Variants in LAMA3 observed in about 807,000 individuals in gnomAD.
LAMA3 encodes the protein laminin subunit alpha 3, also known as laminin subunit alpha-3.
A neutral mutation model predicts 402.0 loss-of-function variants in LAMA3; 281 were observed. That is an observed-to-expected ratio of 0.70 (90% confidence interval 0.63 to 0.77). The LOEUF (loss-of-function observed/expected upper bound fraction) is 0.77. Among genes scored for constraint, LAMA3 ranks in the 30% least tolerant of loss-of-function variants. The probability of loss-of-function intolerance (pLI) is 0.00; values close to 1 mark genes in which losing one functional copy is unlikely to be tolerated. For synonymous variants in LAMA3, 1,431 were observed against 1,558.4 expected, an observed-to-expected ratio of 0.92 and a Z score of 1.93; for missense variants, 3,840 against 4,215.5, an observed-to-expected ratio of 0.91 and a Z score of 2.47.
chr18:23,882,106 C>A, intron 40 of LAMA3, 61 bp downstream of exon 40: 1 of 1,084,002 alleles, frequency 9.2e-7, no homozygotes, highest in Non-Finnish European at 1.4e-6. Flanking sequence ...CTGCCTAGGA[C>A]TAGGGGTGGG....
chr18:23,871,370 A>C, intron 37 of LAMA3, 61 bp from the exon 38 acceptor site: 1 of 1,395,858 alleles, frequency 7.2e-7, no homozygotes, highest in Non-Finnish European at 1.0e-6. Context: ...GTCTGCCTCT[A>C]AGGAACCCCT....
At chr18:23,923,256 T>A (rs946329556) in intron 62 of LAMA3, among the ~76,000 whole-genome samples, 1 of 151,962 alleles carries the variant, frequency 6.6e-6, no homozygotes, top group South Asian at 2.1e-4. Context: ...ATGACCAAAT[T>A]TGGGTTTTCA....
chr18:23,930,950 G>C (rs1173458388), intron 64 of LAMA3, 112 bp from the exon 65 acceptor site: 1 of 1,077,998 alleles, frequency 9.3e-7, no homozygotes, highest in Non-Finnish European at 1.4e-6. Flanking sequence ...AAGCATTTGG[G>C]TCAAAACATC....
chr18:23,696,160 T>C (rs908642452), intron 1 of LAMA3, among the ~76,000 whole-genome samples: 2 of 152,260 alleles, frequency 1.3e-5, no homozygotes, highest in Admixed American at 1.3e-4. Flanking sequence ...CTATGCAAGA[T>C]AGTTTGCACA....
chr18:23,814,342 C>A, intron 14 of LAMA3, 61 bp from the exon 15 acceptor site: 1 of 1,245,402 alleles, frequency 8.0e-7, no homozygotes, highest in Non-Finnish European at 1.2e-6. Flanking sequence ...TGCTCACGCA[C>A]AGGTTTGAAA....
chr18:23,815,155 C>A, intron 15 of LAMA3, 33 bp from the exon 16 acceptor site: 1 of 1,601,576 alleles, frequency 6.2e-7, no homozygotes. Context: ...TTTGTGTCTC[C>A]CTTAGTTCAA....
Position 23,934,116 on chromosome 18 carries a change from C to T in LAMA3, c.8862+181C>T, listed in dbSNP as rs569346317. 2.2e-4 allele frequency among the ~76,000 whole-genome samples: 33 copies of T among 152,290 alleles called. No individual in the cohort carries two copies. In the South Asian group the frequency reaches 4.6e-3, roughly 21 times the overall value. On this transcript the variant is annotated intron_variant, in intron 67 of 74. Transcript: ENST00000313654. ...ATGGTTTTCTTTTTAGCTTGTATTT[C>T]GCATCTTGATGAAAAGTTGGCAAGT...
chr18:23,813,625 C>A (rs533267642), intron 14 of LAMA3, among the ~76,000 whole-genome samples: 1 of 148,058 alleles, frequency 6.8e-6, no homozygotes, highest in Non-Finnish European at 1.5e-5. Flanking sequence ...CTCACTGCAA[C>A]CTCCGCCTCC....
In LAMA3 at chr18:23,943,952, A is replaced by T; in HGVS notation, c.9191A>T (p.Asn3064Ile). The change falls in exon 69 of 75, where the codon AAT becomes ATT. Residue 3064 changes from asparagine (N) to isoleucine (I), a missense_variant. Physicochemically the swap from Asn to Ile is moderately radical, Grantham distance 149 (BLOSUM62 -3). Transcript: ENST00000313654. ...KLRIKSKEKC[N>I]DGKWHTVVFG... ...AGGATCAAAAGCAAGGAGAAATGCA[A>T]TGATGGGAAATGGCACACGGTAAGA... The T allele has an allele frequency of 6.2e-7, 1 of 1,614,084 alleles. No individual in the cohort carries two copies. The highest frequency in any genetic ancestry group is 8.5e-7 in the Non-Finnish European group (1 of 1,179,952).
chr18:23,837,570 GATATATATATATAT>G (rs56179962), intron 25 of LAMA3, among the ~76,000 whole-genome samples: 3 of 83,284 alleles, frequency 3.6e-5, no homozygotes, highest in African/African-American at 1.3e-4. Flanking sequence ...CAGTTAATCA[GATATATATATATAT>G]ATATATATAT....
chr18:23,746,142 G>A lies in LAMA3; in HGVS notation c.448-1801G>A, dbSNP rs147032860. 6.6e-5 allele frequency among the ~76,000 whole-genome samples: 10 copies of A among 152,182 alleles called. No individual in the cohort carries two copies. The East Asian group carries it at 1.2e-3, about 18-fold the overall frequency. On this transcript the variant is annotated intron_variant, in intron 2 of 74. Transcript: ENST00000313654. ...TATGAGGTTGGATCACTTTTTCCAC[G>A]TGTTGGTAGACAACTCGGGAGTGTT...
Position 23,907,534 on chromosome 18 carries a change from CTTTAT to C in LAMA3, c.6719-6_6719-2del. On this transcript the variant is annotated splice_polypyrimidine_tract_variant and intron_variant, in intron 52 of 74. Transcript: ENST00000313654. ...TGCACAAAGTAATTGCCTCCTGATG[CTTTAT>C]TTTATTTTAGAAGTCAGTCCAGCTC... The C allele has an allele frequency of 1.3e-6, 2 of 1,565,282 alleles. No individual in the cohort carries two copies. The highest frequency in any genetic ancestry group is 8.8e-7 in the Non-Finnish European group (1 of 1,135,742).
At chr18:23,830,057 A>G (rs1235863009) in intron 23 of LAMA3, among the ~76,000 whole-genome samples, 1 of 152,186 alleles carries the variant, frequency 6.6e-6, no homozygotes, top group Admixed American at 6.5e-5. Context: ...GACCAAAATA[A>G]TCTGCTTCCA....
chr18:23,876,180 C>A (rs878919707), intron 38 of LAMA3, 114 bp from the exon 39 acceptor site: 10 of 736,890 alleles, frequency 1.4e-5, no homozygotes, highest in South Asian at 1.5e-5. Context: ...CAGAGTGAGA[C>A]CCTGTCTAAA....
chr18:23,723,369 T>C (rs536755082), intron 2 of LAMA3, among the ~76,000 whole-genome samples: 1 of 152,318 alleles, frequency 6.6e-6, no homozygotes, highest in Admixed American at 6.5e-5. Context: ...AGTTAGTGGA[T>C]TAATAGGCAC....
chr18:23,712,619 A>AT (rs2061015932), intron 1 of LAMA3, among the ~76,000 whole-genome samples: 1 of 116,906 alleles, frequency 8.6e-6, no homozygotes, highest in African/African-American at 3.3e-5. Flanking sequence ...TTATAGAACC[A>AT]TTTTTGTATA....
intron 42 of LAMA3, among the ~76,000 whole-genome samples, chr18:23,891,959 C>T (rs1191882544): frequency 6.6e-6 from 1 of 151,972 alleles, no homozygotes; most frequent in Non-Finnish European, 1.5e-5. Context: ...CTGTGTCACA[C>T]GAGGAAGGAT....
chr18:23,747,870 C>A, intron 2 of LAMA3, 73 bp from the exon 3 acceptor site: 1 of 894,376 alleles, frequency 1.1e-6, no homozygotes, highest in South Asian at 1.3e-5. Flanking sequence ...TGGGAATCAG[C>A]ATCACATAGA....
intron 2 of LAMA3, among the ~76,000 whole-genome samples, chr18:23,731,186 T>G (rs1175622803): frequency 3.3e-5 from 5 of 152,216 alleles, no homozygotes; most frequent in African/African-American, 9.6e-5. Flanking sequence ...ATTGTACTAC[T>G]TCATTCCCAG....
Sources: allele counts gnomAD v4.1 joint callset (sites outside exome capture counted in the v4.1 genomes callset), GRCh38; gene constraint gnomAD v4.1.1; transcripts MANE v1.5; gene names NCBI Gene and HGNC (gene_info 2026-07-23, HGNC 2026-07-21).